The following KLHL5 variants were observed in gnomAD, a reference collection of about 807,000 sequenced individuals.
KLHL5 encodes the protein kelch like family member 5, also known as kelch-like protein 5.
A neutral mutation model predicts 77.7 loss-of-function variants in KLHL5; 48 were observed. The observed-to-expected ratio is 0.62, with a 90% confidence interval of 0.49 to 0.79. KLHL5 has a LOEUF of 0.79. KLHL5 is among the 30% of genes least tolerant of loss of function. The pLI is 0.00. For synonymous variants in KLHL5, 260 were observed against 297.0 expected (o/e 0.88, Z 1.28); for missense variants, 723 against 859.7 (o/e 0.84, Z 1.99).
chr4:39,087,668 T>G (rs1230830855), intron 5 of KLHL5, among the ~76,000 whole-genome samples: 3 of 152,172 alleles, frequency 2.0e-5, no homozygotes, highest in Non-Finnish European at 4.4e-5. Context: ...GTTTTCCCCT[T>G]TTTACAATTT....
chr4:39,049,698 AAAAT>A (rs1463306711), intron 1 of KLHL5, among the ~76,000 whole-genome samples: 3 of 147,560 alleles, frequency 2.0e-5, no homozygotes, highest in Admixed American at 2.0e-4. Context: ...CCTTGTCTCA[AAAAT>A]AAATAAATAA....
chr4:39,094,287 A>G (rs1416400476), intron 5 of KLHL5, among the ~76,000 whole-genome samples: 3 of 151,962 alleles, frequency 2.0e-5, no homozygotes, highest in Admixed American at 1.3e-4. Flanking sequence ...CATTCCCAAT[A>G]GCAATGAAAA....
upstream of KLHL5, chr4:39,062,096 C>G (rs1314709502): frequency 3.2e-6 from 1 of 311,734 alleles, no homozygotes; most frequent in Non-Finnish European, 4.7e-6. Context: ...TGGTATTTCA[C>G]TTAGGGACTT....
chr4:39,086,465 G>A lies in KLHL5; in HGVS notation c.901-50G>A, dbSNP rs189940544. The A allele has an allele frequency of 7.2e-4, 1,021 of 1,425,840 alleles. 15 individuals carry two copies. The Admixed American group carries it at 0.016, about 23-fold the overall frequency. 88.3% of individuals were successfully genotyped at this position (1,425,840 alleles called of 1,614,324 possible). A position where few individuals can be genotyped will look rare whatever the true frequency, so the allele number is the denominator to read the frequency against. ...GCTTTTACTTTCTTCTAAGTAAATT[G>A]TGAAGGTCAGAAGGAACAATATTGT... On this transcript the variant is annotated intron_variant, in intron 4 of 10. Coordinates refer to ENST00000504108, the MANE Select transcript of KLHL5 (RefSeq NM_015990.5).
intron 1 of KLHL5, among the ~76,000 whole-genome samples, chr4:39,072,828 T>G (rs1718612769): frequency 6.6e-6 from 1 of 152,136 alleles, no homozygotes; most frequent in Non-Finnish European, 1.5e-5. Context: ...GAGACTTGGG[T>G]CAGTGTGCAC....
intron 5 of KLHL5, among the ~76,000 whole-genome samples, chr4:39,095,614 CAT>C (rs998813392): frequency 1.7e-4 from 25 of 151,260 alleles, no homozygotes; most frequent in African/African-American, 5.3e-4. Flanking sequence ...TATATATATA[CAT>C]ATATATACAT....
At chr4:39,105,715 CAT>C (rs1014632261) in intron 7 of KLHL5, among the ~76,000 whole-genome samples, 5 of 139,938 alleles carry the variant, frequency 3.6e-5, no homozygotes, top group East Asian at 4.2e-4. Flanking sequence ...TTTATATACA[CAT>C]ATATGTGTGT....
chr4:39,115,117 T>C (rs1235375852), intron 9 of KLHL5, 42 bp from the exon 10 acceptor site: 1 of 1,564,992 alleles, frequency 6.4e-7, no homozygotes, highest in South Asian at 1.2e-5. Flanking sequence ...ACATAAATAT[T>C]TTAAGAATAA....
chr4:39,116,574 A>G (rs981109135), intron 10 of KLHL5, among the ~76,000 whole-genome samples: 1 of 152,194 alleles, frequency 6.6e-6, no homozygotes, highest in African/African-American at 2.4e-5. Flanking sequence ...GAATTGATCC[A>G]ATTCAAAAAG....
chr4:39,135,195 G>A, the KLHL5 span: 1 of 152,172 alleles, frequency 6.6e-6, no homozygotes, highest in Non-Finnish European at 1.5e-5. Flanking sequence ...GACATCCATG[G>A]GTTGAAGGAA....
chr4:39,134,823 C>G, the KLHL5 span, among the ~76,000 whole-genome samples: 7 of 152,128 alleles, frequency 4.6e-5, no homozygotes, highest in African/African-American at 1.7e-4. Context: ...AAGCAGAGAG[C>G]AGGGATGCTG....
downstream of KLHL5, among the ~76,000 whole-genome samples, chr4:39,128,205 C>T (rs534883473): frequency 3.3e-5 from 5 of 152,284 alleles, no homozygotes; most frequent in South Asian, 1.0e-3. Context: ...TATACCTTCA[C>T]ATAATTAGCT....
the KLHL5 span, among the ~76,000 whole-genome samples, chr4:39,136,062 A>T: frequency 6.6e-6 from 1 of 151,570 alleles, no homozygotes; most frequent in Admixed American, 6.6e-5. Flanking sequence ...ATGTTCTCAG[A>T]GCTAAGGTAG....
chr4:39,108,877 A>G (rs975032683), intron 8 of KLHL5, among the ~76,000 whole-genome samples: 1 of 152,178 alleles, frequency 6.6e-6, no homozygotes, highest in African/African-American at 2.4e-5. Flanking sequence ...ATAGAGGACA[A>G]AAGAATAACT....
At position 39,076,018 on chromosome 4, in the gene KLHL5, C is replaced by CAT. The variant is rs1285827520; in HGVS notation, c.438_439dup (p.Ser147TyrfsTer23). 4 of 1,612,434 alleles carry CAT rather than the reference C, an allele frequency of 2.5e-6. No homozygotes were observed. Among genetic ancestry groups the CAT allele is most frequent in the Middle Eastern group, 1.7e-4 (1 of 6,052 alleles). ...TCCTGTCATACTATGGAGCCATGTA[C>CAT]ATCAGATGAATTTTTCCAAGCCCTT... On this transcript the variant is annotated frameshift_variant, in exon 2 of 11. Transcript: ENST00000504108. LOFTEE classifies it high-confidence loss of function.
In KLHL5 at chr4:39,121,888, G is replaced by T. The variant is rs2109625339; in HGVS notation, c.*822G>T. 6.6e-6 allele frequency: 1 copy of T among 152,652 alleles called. No homozygotes were observed. The highest frequency in any genetic ancestry group is 2.1e-4 in the South Asian group (1 of 4,824). 9.5% of individuals were successfully genotyped at this position (152,652 alleles called of 1,614,324 possible). A position where few individuals can be genotyped will look rare whatever the true frequency, so the allele number is the denominator to read the frequency against. ...TATGGATTTGTTTTATATTATAAAA[G>T]ATGTTTTGATTTTGTCTTTTGATAT... On this transcript the variant is annotated 3_prime_UTR_variant, in exon 11 of 11. Transcript: ENST00000504108.
At chr4:39,117,622 A>G (rs1376212756) in intron 10 of KLHL5, among the ~76,000 whole-genome samples, 1 of 152,140 alleles carries the variant, frequency 6.6e-6, no homozygotes, top group Non-Finnish European at 1.5e-5. Flanking sequence ...ACAGGAAAGG[A>G]ATGATGAGAG....
At chr4:39,086,789 T>C in intron 5 of KLHL5, 62 bp downstream of exon 5, 1 of 1,215,160 alleles carries the variant, frequency 8.2e-7, no homozygotes, top group Non-Finnish European at 1.2e-6. Context: ...AGAAAATAAT[T>C]GTACATGTAT....
chr4:39,107,429 A>G (rs964264027), intron 7 of KLHL5, 140 bp from the exon 8 acceptor site: 2 of 145,966 alleles, frequency 1.4e-5, no homozygotes, highest in Admixed American at 9.2e-5. Context: ...AATAGTGAGG[A>G]GGACACTTGT....
Sources: gnomAD v4.1 joint callset for allele counts (sites outside exome capture counted in the v4.1 genomes callset) on GRCh38, gnomAD v4.1.1 for gene constraint, MANE v1.5 for transcripts, NCBI Gene and HGNC (gene_info 2026-07-23, HGNC 2026-07-21) for gene names.